Variants in TBC1D22B observed in about 807,000 individuals in gnomAD.
TBC1D22B encodes the protein TBC1 domain family member 22B.
Under a neutral mutation model 69.1 loss-of-function variants are expected in TBC1D22B, and 32 were observed. The ratio of observed to expected loss-of-function variants is 0.46; its 90% CI spans 0.35 to 0.62. The LOEUF (loss-of-function observed/expected upper bound fraction) is 0.62. Among genes scored for constraint, TBC1D22B ranks in the 20% least tolerant of loss-of-function variants. The probability of loss-of-function intolerance (pLI) is 0.00; values close to 1 mark genes in which losing one functional copy is unlikely to be tolerated. For synonymous variants in TBC1D22B, 206 were observed against 229.8 expected, an observed-to-expected ratio of 0.90 and a Z score of 0.94; for missense variants, 462 against 630.9, an observed-to-expected ratio of 0.73 and a Z score of 2.87.
rs560441691 is a variant in TBC1D22B, at chr6:37,328,788, G to A, written c.1390-2256G>A. The stretch of plus-strand genomic sequence containing the variant: ...TTCACCCAGGCTGGAGTGTAATGGC[G>A]TGATCTCGGCTCACTGCAACCTCCG... On this transcript the variant is annotated intron_variant, in intron 12 of 12. Transcript: ENST00000373491. 2.4e-4 allele frequency among the ~76,000 whole-genome samples: 36 copies of A among 152,092 alleles called. No individual in the cohort carries two copies. In the East Asian group the frequency reaches 6.2e-3, roughly 26 times the overall value.
chr6:37,282,536 A>G (rs1232821580), intron 4 of TBC1D22B, among the ~76,000 whole-genome samples, 172 bp downstream of exon 4: 1 of 152,198 alleles, frequency 6.6e-6, no homozygotes, highest in East Asian at 1.9e-4. Context: ...ACTAGAGATT[A>G]TGGACCAAAT....
intron 10 of TBC1D22B, among the ~76,000 whole-genome samples, chr6:37,314,256 G>T (rs1025175890): frequency 1.3e-5 from 2 of 152,128 alleles, no homozygotes; most frequent in Non-Finnish European, 1.5e-5. Context: ...TCACGCAATT[G>T]CATCTTTCTG....
At chr6:37,265,271 G>T (rs1208284813) in intron 1 of TBC1D22B, among the ~76,000 whole-genome samples, 1 of 152,184 alleles carries the variant, frequency 6.6e-6, no homozygotes, top group Non-Finnish European at 1.5e-5. Flanking sequence ...GATGGTAATT[G>T]ATGGCCTCTG....
At chr6:37,282,991 C>A (rs189774208) in intron 5 of TBC1D22B, 39 bp downstream of exon 5, 2 of 1,580,506 alleles carry the variant, frequency 1.3e-6, no homozygotes, top group Non-Finnish European at 1.7e-6. Flanking sequence ...GTGAGCCTCA[C>A]ACAGCCCTTC....
chr6:37,283,382 C>G (rs1192797930), intron 5 of TBC1D22B, among the ~76,000 whole-genome samples: 2 of 152,186 alleles, frequency 1.3e-5, no homozygotes, highest in Non-Finnish European at 2.9e-5. Context: ...AAGTACAGAG[C>G]ACTGTGCCAG....
At chr6:37,296,508 T>A (rs1166203326) in intron 8 of TBC1D22B, among the ~76,000 whole-genome samples, 1 of 152,058 alleles carries the variant, frequency 6.6e-6, no homozygotes. Flanking sequence ...GCCATCACAT[T>A]TGGCTAATTT....
chr6:37,286,242 T>C (rs1767001556), intron 6 of TBC1D22B, among the ~76,000 whole-genome samples: 1 of 152,174 alleles, frequency 6.6e-6, no homozygotes, highest in South Asian at 2.1e-4. Context: ...GGCAGGTAGG[T>C]ATAACTAGAT....
rs201440777 is a variant in TBC1D22B, at chr6:37,279,286, G to T, written c.114-18G>T. 3.2e-6 allele frequency: 5 copies of T among 1,577,848 alleles called. No individual in the cohort carries two copies. The highest frequency in any genetic ancestry group is 3.4e-4 in the Middle Eastern group (2 of 5,900). On this transcript the variant is annotated intron_variant, in intron 2 of 12. Transcript: ENST00000373491. ...TGTGTCAGGCCATTCCTTGGTAATC[G>T]TGTCTCCTTTCTTGAAGTTTCATTA...
intron 8 of TBC1D22B, among the ~76,000 whole-genome samples, 193 bp downstream of exon 8, chr6:37,291,550 T>G (rs573522573): frequency 1.2e-4 from 18 of 152,338 alleles, no homozygotes; most frequent in African/African-American, 4.1e-4. Context: ...TGGTCACAGA[T>G]CTCACCTAAA....
intron 8 of TBC1D22B, among the ~76,000 whole-genome samples, chr6:37,298,942 A>C (rs1001428523): frequency 6.6e-6 from 1 of 152,194 alleles, no homozygotes; most frequent in African/African-American, 2.4e-5. Flanking sequence ...ATTTCTCTGA[A>C]AGAGTCCTAG....
At chr6:37,266,547 C>T (rs1246809690) in intron 1 of TBC1D22B, among the ~76,000 whole-genome samples, 1 of 151,424 alleles carries the variant, frequency 6.6e-6, no homozygotes, top group Non-Finnish European at 1.5e-5. Context: ...CTGCAACCTC[C>T]GCCTCCCCAG....
chr6:37,262,445 A>G (rs1766138581), intron 1 of TBC1D22B, among the ~76,000 whole-genome samples: 1 of 152,150 alleles, frequency 6.6e-6, no homozygotes, highest in Non-Finnish European at 1.5e-5. Flanking sequence ...ATCCTCCAAA[A>G]GTGTTGGGAT....
At chr6:37,260,999 A>G (rs1054519327) in intron 1 of TBC1D22B, among the ~76,000 whole-genome samples, 1 of 152,208 alleles carries the variant, frequency 6.6e-6, no homozygotes, top group African/African-American at 2.4e-5. Context: ...CTGCTGATAA[A>G]TAGGAGTGGA....
intron 12 of TBC1D22B, among the ~76,000 whole-genome samples, chr6:37,327,415 T>G (rs1410855013): frequency 4.7e-5 from 4 of 84,554 alleles, no homozygotes; most frequent in Non-Finnish European, 8.2e-5. Flanking sequence ...GAGGCGGAGC[T>G]TGCAGTGAGC....
rs1417806248 is a variant in TBC1D22B, at chr6:37,288,834, A to G, written c.867+1762A>G. On this transcript the variant is annotated intron_variant, in intron 7 of 12. Coordinates refer to ENST00000373491, the MANE Select transcript of TBC1D22B (RefSeq NM_017772.4). ...GGGAACTCAAACTTTATTCTCCCCA[A>G]TTTTTCCTGAATGACCATTTCATCT... is the stretch of plus-strand genomic sequence containing the variant. Among the ~76,000 whole-genome samples the G allele has an allele frequency of 4.0e-5, 6 of 151,748 alleles. No homozygotes were observed. The East Asian group carries it at 9.7e-4, about 24-fold the overall frequency.
At chr6:37,300,706 A>G (rs1431769263) in intron 8 of TBC1D22B, among the ~76,000 whole-genome samples, 4 of 152,098 alleles carry the variant, frequency 2.6e-5, no homozygotes, top group Admixed American at 2.0e-4. Flanking sequence ...CCCCCCACCC[A>G]GGGCCAGTCT....
At chr6:37,258,834 T>G (rs994595657) in intron 1 of TBC1D22B, among the ~76,000 whole-genome samples, 30 of 152,278 alleles carry the variant, frequency 2.0e-4, no homozygotes, top group Non-Finnish European at 4.0e-4. Flanking sequence ...CAGTCGTAAA[T>G]TTAAGATTTC....
intron 8 of TBC1D22B, among the ~76,000 whole-genome samples, chr6:37,308,093 T>C (rs946773411): frequency 2.0e-5 from 3 of 152,232 alleles, no homozygotes; most frequent in African/African-American, 7.2e-5. Flanking sequence ...GTGGCCAATT[T>C]GATTTTTATA....
At chr6:37,287,592 C>T (rs1016401806) in intron 7 of TBC1D22B, among the ~76,000 whole-genome samples, 16 of 152,206 alleles carry the variant, frequency 1.1e-4, no homozygotes, top group African/African-American at 3.9e-4. Context: ...AAGAATTTGA[C>T]TACTCCAGGC....
Sources: gnomAD v4.1 joint callset for allele counts (sites outside exome capture counted in the v4.1 genomes callset) on GRCh38, gnomAD v4.1.1 for gene constraint, MANE v1.5 for transcripts, NCBI Gene and HGNC (gene_info 2026-07-23, HGNC 2026-07-21) for gene names.